The following MICAL2 variants were observed in gnomAD, a reference collection of about 807,000 sequenced individuals.
MICAL2 encodes microtubule associated monooxygenase, calponin and LIM domain containing 2, also known as [F-actin]-monooxygenase MICAL2.
In MICAL2, 77 loss-of-function variants were observed where a neutral mutation model predicts 127.3. The observed-to-expected ratio is 0.60, with a 90% confidence interval of 0.50 to 0.73. The LOEUF (loss-of-function observed/expected upper bound fraction) is 0.73. Ranked by LOEUF, MICAL2 falls within the 30% of genes least tolerant of loss-of-function variation. MICAL2 has a pLI of 0.00. For synonymous variants in MICAL2, 570 were observed against 551.1 expected (o/e 1.03, Z -0.48); for missense variants, 1,351 against 1,434.4 (o/e 0.94, Z 0.94).
chr11:12,226,732 A>G (rs554412813), intron 14 of MICAL2, among the ~76,000 whole-genome samples: 99 of 141,268 alleles, frequency 7.0e-4, no homozygotes, highest in African/African-American at 2.2e-3. Context: ...GGCTCACTGC[A>G]AGCTCTGCCT....
At chr11:12,295,852 G>A (rs1246404269), downstream of MICAL2, among the ~76,000 whole-genome samples, 3 of 152,064 alleles carry the variant, frequency 2.0e-5, no homozygotes, top group South Asian at 2.1e-4. Flanking sequence ...TTGTATATAT[G>A]TTATATATGC....
intron 32 of MICAL2, among the ~76,000 whole-genome samples, chr11:12,337,402 C>A (rs1400719582): frequency 3.3e-5 from 5 of 152,120 alleles, no homozygotes; most frequent in Non-Finnish European, 7.4e-5. Flanking sequence ...TTCAAAAAAC[C>A]AGCTCCTGGA....
chr11:12,264,564 G>A (rs149044406), downstream of MICAL2, among the ~76,000 whole-genome samples: 20 of 149,486 alleles, frequency 1.3e-4, 1 homozygote, highest in Non-Finnish European at 2.2e-4. Context: ...GTAGCTGGGC[G>A]TAGCTGGGCT....
At chr11:12,204,145 G>T (rs1228475606) in intron 3 of MICAL2, 105 bp from the exon 4 acceptor site, 6 of 1,092,238 alleles carry the variant, frequency 5.5e-6, no homozygotes, top group Non-Finnish European at 8.2e-6. Context: ...TTGCTGGTTG[G>T]TTCAGGAAGA....
intron 8 of MICAL2, among the ~76,000 whole-genome samples, chr11:12,219,942 G>A (rs1008210340): frequency 6.6e-6 from 1 of 152,224 alleles, no homozygotes; most frequent in Admixed American, 6.5e-5. Context: ...GATAAGGAGA[G>A]CTCTGGGGCA....
chr11:12,338,676 C>T (rs1313676091), intron 32 of MICAL2, among the ~76,000 whole-genome samples: 1 of 152,116 alleles, frequency 6.6e-6, no homozygotes, highest in East Asian at 1.9e-4. Context: ...TCAACATTTG[C>T]TTGTCTGTAA....
intron 6 of MICAL2, among the ~76,000 whole-genome samples, chr11:12,213,039 C>A (rs1385849): frequency 2.0e-5 from 3 of 152,114 alleles, no homozygotes; most frequent in East Asian, 1.9e-4. Flanking sequence ...TGAAGCCTAA[C>A]CAGGTCCTGT....
chr11:12,267,244 C>A (rs758480595), downstream of MICAL2, among the ~76,000 whole-genome samples: 2 of 152,190 alleles, frequency 1.3e-5, no homozygotes, highest in East Asian at 3.9e-4. Context: ...TTGTGCCCAG[C>A]TGCCCGCTTG....
intron 29 of MICAL2, among the ~76,000 whole-genome samples, chr11:12,313,367 G>A (rs57222735): frequency 6.6e-6 from 1 of 151,864 alleles, no homozygotes; most frequent in Admixed American, 6.6e-5. Context: ...GAATAACCGC[G>A]GGGGGAGAAT....
In MICAL2 at chr11:12,255,831, T is replaced by A. The variant is rs75494473; in HGVS notation, c.2955+81T>A. Reference sequence around the variant, plus strand: ...GCGGGCACATGGGATGTCGAGAGGATGCCCTGGCCCTCCCGAGGCTCCTCT... The same window carrying A: ...GCGGGCACATGGGATGTCGAGAGGAAGCCCTGGCCCTCCCGAGGCTCCTCT... On this transcript the variant is annotated intron_variant, in intron 23 of 27. Transcript: ENST00000683283. 1.1e-3 allele frequency: 1,237 copies of A among 1,111,994 alleles called. 11 individuals carry two copies. The African/African-American group carries it at 0.016, about 14-fold the overall frequency. 68.9% of individuals were successfully genotyped at this position (1,111,994 alleles called of 1,614,324 possible). A position where few individuals can be genotyped will look rare whatever the true frequency, so the allele number is the denominator to read the frequency against.
chr11:12,209,227 A>G (rs928647081), intron 5 of MICAL2, among the ~76,000 whole-genome samples: 1 of 152,222 alleles, frequency 6.6e-6, no homozygotes, highest in East Asian at 1.9e-4. Flanking sequence ...TTTATGGAGC[A>G]TTGAGGATAG....
chr11:12,209,680 C>A (rs1590363145), intron 6 of MICAL2, 82 bp downstream of exon 6: 2 of 1,259,714 alleles, frequency 1.6e-6, no homozygotes, highest in East Asian at 2.3e-5. Context: ...AGAAAGTGGG[C>A]AAGATGCAGA....
chr11:12,260,633 T>C (rs1438579364), intron 26 of MICAL2: 1 of 986,780 alleles, frequency 1.0e-6, no homozygotes, highest in Non-Finnish European at 1.2e-6. Context: ...CCTTTTGACT[T>C]AGGTACCCAG....
At chr11:12,318,924 G>A (rs1022402474) in intron 29 of MICAL2, among the ~76,000 whole-genome samples, 1 of 152,116 alleles carries the variant, frequency 6.6e-6, no homozygotes, top group Non-Finnish European at 1.5e-5. Context: ...ATATCTCCTC[G>A]AATTCGGCTC....
At chr11:12,240,824 G>A (rs1859814728) in intron 17 of MICAL2, among the ~76,000 whole-genome samples, 2 of 152,238 alleles carry the variant, frequency 1.3e-5, no homozygotes, top group Admixed American at 6.5e-5. Context: ...CATGAGAAGG[G>A]GACTCCAGGA....
upstream of MICAL2, among the ~76,000 whole-genome samples, chr11:12,272,357 C>T (rs538873474): frequency 1.2e-4 from 18 of 152,216 alleles, no homozygotes; most frequent in Non-Finnish European, 2.4e-4. Flanking sequence ...CTGCCTCTTC[C>T]ATGCCTCACT....
chr11:12,258,231 C>T (rs542766525), intron 24 of MICAL2, among the ~76,000 whole-genome samples: 64 of 152,242 alleles, frequency 4.2e-4, no homozygotes, highest in Admixed American at 9.8e-4. Context: ...GCCACATCCC[C>T]GGGAGCCCCC....
At chr11:12,230,146 C>T (rs1410331506) in intron 15 of MICAL2, among the ~76,000 whole-genome samples, 3 of 152,206 alleles carry the variant, frequency 2.0e-5, no homozygotes, top group South Asian at 2.1e-4. Flanking sequence ...GTAGAAAGTA[C>T]CTTCTTCCCA....
intron 6 of MICAL2, among the ~76,000 whole-genome samples, chr11:12,213,006 G>A (rs555753275): frequency 3.3e-5 from 5 of 152,296 alleles, no homozygotes; most frequent in Admixed American, 3.3e-4. Flanking sequence ...CTGTTGGGAA[G>A]GATCGCTTTT....
Sources: allele counts gnomAD v4.1 joint callset (sites outside exome capture counted in the v4.1 genomes callset), GRCh38; gene constraint gnomAD v4.1.1; transcripts MANE v1.5; gene names NCBI Gene and HGNC (gene_info 2026-07-23, HGNC 2026-07-21).